The following EPHA3 variants were observed in gnomAD, a reference collection of about 807,000 sequenced individuals.
The protein encoded by EPHA3 is ephrin type-A receptor 3.
Under a neutral mutation model 107.1 loss-of-function variants are expected in EPHA3, and 42 were observed. The observed-to-expected ratio is 0.39, with a 90% CI of 0.31 to 0.51. The LOEUF is 0.51. Ranked by LOEUF, EPHA3 falls within the 20% of genes least tolerant of loss-of-function variation. The pLI is 0.78. For synonymous variants in EPHA3, 461 were observed against 424.8 expected (o/e 1.09, Z -1.05); for missense variants, 1,183 against 1,211.2 (o/e 0.98, Z 0.35).
chr3:89,371,314 A>G (rs185755749), intron 5 of EPHA3, among the ~76,000 whole-genome samples: 3 of 151,776 alleles, frequency 2.0e-5, no homozygotes, highest in Admixed American at 2.0e-4. Context: ...CTGTTCTCAT[A>G]TCTTTAAGTT....
At chr3:89,453,822 T>C (rs1710044399) in intron 15 of EPHA3, among the ~76,000 whole-genome samples, 1 of 152,152 alleles carries the variant, frequency 6.6e-6, no homozygotes, top group Admixed American at 6.5e-5. Context: ...AGATGGGAAC[T>C]TCCCACAGCA....
chr3:89,459,988 A>G (rs1710189587), intron 15 of EPHA3, among the ~76,000 whole-genome samples: 1 of 152,184 alleles, frequency 6.6e-6, no homozygotes, highest in Non-Finnish European at 1.5e-5. Context: ...AAAGATTATA[A>G]TATAACTTCT....
intron 11 of EPHA3, among the ~76,000 whole-genome samples, chr3:89,421,715 C>A (rs1177502122): frequency 6.6e-6 from 1 of 151,096 alleles, no homozygotes; most frequent in Admixed American, 6.6e-5. Flanking sequence ...CCTATAAATG[C>A]ATTTACTGGA....
At chr3:89,342,164 C>A in intron 5 of EPHA3, 74 bp downstream of exon 5, 1 of 1,380,270 alleles carries the variant, frequency 7.2e-7, no homozygotes, top group Non-Finnish European at 9.7e-7. Flanking sequence ...GGGTGGAAAA[C>A]TGGGCGGAAG....
At chr3:89,476,472 A>G (rs1333951568) in intron 16 of EPHA3, among the ~76,000 whole-genome samples, 2 of 148,352 alleles carry the variant, frequency 1.3e-5, no homozygotes, top group Non-Finnish European at 3.0e-5. Flanking sequence ...CTATGCTTAA[A>G]TTTCTCAAAG....
At chr3:89,301,098 G>A (rs557397617) in intron 3 of EPHA3, among the ~76,000 whole-genome samples, 1 of 152,028 alleles carries the variant, frequency 6.6e-6, no homozygotes, top group East Asian at 1.9e-4. Context: ...AAACCTGGTG[G>A]CTAAAAGAAA....
At chr3:89,387,924 T>G (rs1708654806) in intron 5 of EPHA3, among the ~76,000 whole-genome samples, 1 of 152,120 alleles carries the variant, frequency 6.6e-6, no homozygotes, top group Non-Finnish European at 1.5e-5. Context: ...ATGATTAAAA[T>G]TTTGGAGTTT....
chr3:89,108,251 T>C (rs1454926481), intron 1 of EPHA3, among the ~76,000 whole-genome samples: 1 of 152,114 alleles, frequency 6.6e-6, no homozygotes, highest in Non-Finnish European at 1.5e-5. Flanking sequence ...TTTAGTATGT[T>C]TAAAGGTAAT....
chr3:89,202,534 A>T (rs9985417), intron 2 of EPHA3, among the ~76,000 whole-genome samples: 9,325 of 36,096 alleles, frequency 0.26, 369 homozygotes, highest in Middle Eastern at 0.44. Context: ...AAAAAAAAAA[A>T]ATATATATAT....
intron 3 of EPHA3, among the ~76,000 whole-genome samples, chr3:89,226,283 T>C (rs1468871893): frequency 1.3e-5 from 2 of 152,106 alleles, no homozygotes; most frequent in Admixed American, 6.6e-5. Context: ...ATCTCCTTAG[T>C]AGTGTCATTG....
At chr3:89,316,042 A>G (rs1706891100) in intron 3 of EPHA3, among the ~76,000 whole-genome samples, 1 of 151,816 alleles carries the variant, frequency 6.6e-6, no homozygotes, top group Non-Finnish European at 1.5e-5. Flanking sequence ...ATATAAATGT[A>G]AAAGGCACTC....
At position 89,210,285 on chromosome 3, in the gene EPHA3, G is replaced by C. The variant is rs1171941821; in HGVS notation, c.579G>C (p.Val193=). 4 of 1,613,930 alleles carry C rather than the reference G, an allele frequency of 2.5e-6. No homozygotes were observed. Among genetic ancestry groups the C allele is most frequent in the Non-Finnish European group, 3.4e-6 (4 of 1,179,916 alleles). The part of the protein sequence containing the change: ...FQDVGACVAL[V]SVRVYFKKCP... Reference sequence around the variant, plus strand: ...ATGTTGGTGCTTGTGTTGCCTTGGTGTCTGTGAGAGTATACTTCAAAAAGT... The same window carrying C: ...ATGTTGGTGCTTGTGTTGCCTTGGTCTCTGTGAGAGTATACTTCAAAAAGT... The change falls in exon 3 of 17, where the codon GTG becomes GTC. Residue 193 remains valine (V), a synonymous_variant. Transcript: ENST00000336596.
chr3:89,199,740 C>T (rs1705927386), intron 2 of EPHA3, among the ~76,000 whole-genome samples: 1 of 152,024 alleles, frequency 6.6e-6, no homozygotes, highest in South Asian at 2.1e-4. Context: ...ATACCTTCTT[C>T]TTTTTTCCTG....
intron 9 of EPHA3, among the ~76,000 whole-genome samples, 182 bp downstream of exon 9, chr3:89,408,313 T>G (rs1465333246): frequency 1.3e-5 from 2 of 152,164 alleles, no homozygotes; most frequent in African/African-American, 4.8e-5. Flanking sequence ...TAAATAATTT[T>G]TACATGTGTA....
chr3:89,319,672 T>C (rs1393634642), intron 3 of EPHA3, among the ~76,000 whole-genome samples: 1 of 151,922 alleles, frequency 6.6e-6, no homozygotes, highest in African/African-American at 2.4e-5. Flanking sequence ...ATTTATTCTG[T>C]CAGGAGAGAG....
intron 3 of EPHA3, among the ~76,000 whole-genome samples, chr3:89,220,527 TAG>T (rs773028446): frequency 7.9e-5 from 12 of 152,094 alleles, no homozygotes; most frequent in Non-Finnish European, 1.3e-4. Flanking sequence ...GTTCAGCGGG[TAG>T]AGTTTCGTAG....
At position 89,481,444 on chromosome 3, in the gene EPHA3, A is replaced by G. The variant is rs1208207957; in HGVS notation, c.*1942A>G. On this transcript the variant is annotated 3_prime_UTR_variant, in exon 17 of 17. Transcript: ENST00000336596. ...TAGAAAACATTTTTTTTTTAAATCAAGTATTTTGTGTTTGGAATGTTAGAA... is the reference window on the plus strand; with the variant it reads ...TAGAAAACATTTTTTTTTTAAATCAGGTATTTTGTGTTTGGAATGTTAGAA... The G allele has an allele frequency of 8.6e-6, 2 of 232,106 alleles. No homozygotes were observed. The highest frequency in any genetic ancestry group is 1.7e-5 in the Non-Finnish European group (2 of 117,476). 14.4% of individuals were successfully genotyped at this position (232,106 alleles called of 1,614,324 possible).
At chr3:89,321,343 C>T (rs545104507) in intron 3 of EPHA3, among the ~76,000 whole-genome samples, 49 of 151,928 alleles carry the variant, frequency 3.2e-4, no homozygotes, top group Non-Finnish European at 6.5e-4. Flanking sequence ...TCTGCTGCCT[C>T]CTAGTCTGAA....
intron 2 of EPHA3, among the ~76,000 whole-genome samples, chr3:89,183,374 G>A (rs1705488063): frequency 6.6e-6 from 1 of 151,882 alleles, no homozygotes; most frequent in South Asian, 2.1e-4. Flanking sequence ...CTTTGGGTGA[G>A]ATCTGTAAGA....
Sources: gnomAD v4.1 joint callset for allele counts (sites outside exome capture counted in the v4.1 genomes callset) on GRCh38, gnomAD v4.1.1 for gene constraint, MANE v1.5 for transcripts, NCBI Gene and HGNC (gene_info 2026-07-23, HGNC 2026-07-21) for gene names.